Variants in PDE4B observed in about 807,000 individuals in gnomAD.
PDE4B encodes the protein 3',5'-cyclic-AMP phosphodiesterase 4B.
A neutral mutation model predicts 82.2 loss-of-function variants in PDE4B; 20 were observed. The ratio of observed to expected loss-of-function variants is 0.24; its 90% CI spans 0.17 to 0.35. PDE4B has a LOEUF of 0.35. Among genes scored for constraint, PDE4B ranks in the 10% least tolerant of loss-of-function variants. The pLI is 1.00. For missense variants in PDE4B, 655 were observed against 907.2 expected, an observed-to-expected ratio of 0.72 and a Z score of 3.57; for synonymous variants, 320 against 318.9, an observed-to-expected ratio of 1.00 and a Z score of -0.04.
chr1:66,055,316 C>T (rs1280923857), intron 3 of PDE4B, among the ~76,000 whole-genome samples: 1 of 152,182 alleles, frequency 6.6e-6, no homozygotes, highest in Non-Finnish European at 1.5e-5. Context: ...TTACTTTTGA[C>T]TGGCATTTAT....
intron 3 of PDE4B, among the ~76,000 whole-genome samples, chr1:65,919,234 T>C (rs1647197114): frequency 6.6e-6 from 1 of 152,232 alleles, no homozygotes; most frequent in Non-Finnish European, 1.5e-5. Context: ...CACTTCTCCC[T>C]AGCTTCTATT....
intron 3 of PDE4B, among the ~76,000 whole-genome samples, chr1:66,143,651 C>T (rs1646216572): frequency 6.6e-6 from 1 of 152,176 alleles, no homozygotes; most frequent in Non-Finnish European, 1.5e-5. Context: ...ATAAAATCAC[C>T]ATTTTCTCAG....
At position 66,240,871 on chromosome 1, in the gene PDE4B, T is replaced by C. The variant is rs372720887; in HGVS notation, c.282-6589T>C. Among the ~76,000 whole-genome samples the C allele has an allele frequency of 1.2e-4, 18 of 152,318 alleles. No individual in the cohort carries two copies. In the South Asian group the frequency reaches 3.5e-3, roughly 30 times the overall value. Reference sequence around the variant, plus strand: ...CAACTTCATTTCTGTGGGAAAAGACTGAGGTGTGGGGGGCAGGATACAGGG... The same window carrying C: ...CAACTTCATTTCTGTGGGAAAAGACCGAGGTGTGGGGGGCAGGATACAGGG... On this transcript the variant is annotated intron_variant, in intron 3 of 16. Coordinates refer to ENST00000341517, the MANE Select transcript of PDE4B (RefSeq NM_002600.4).
chr1:66,254,791 G>A (rs1219986476), intron 4 of PDE4B, among the ~76,000 whole-genome samples: 1 of 152,026 alleles, frequency 6.6e-6, no homozygotes, highest in Non-Finnish European at 1.5e-5. Flanking sequence ...AAAACCTCTG[G>A]GCTCTCTTCA....
intron 3 of PDE4B, among the ~76,000 whole-genome samples, chr1:66,206,347 G>T (rs1649552847): frequency 6.6e-6 from 1 of 152,058 alleles, no homozygotes; most frequent in Non-Finnish European, 1.5e-5. Flanking sequence ...GTCTAGGCTG[G>T]AGCAAAAAGA....
At chr1:65,844,101 T>C (rs892724665) in intron 1 of PDE4B, among the ~76,000 whole-genome samples, 1 of 152,208 alleles carries the variant, frequency 6.6e-6, no homozygotes, top group Non-Finnish European at 1.5e-5. Flanking sequence ...ATGTCTTCAA[T>C]ATATAATCAT....
chr1:66,025,989 T>C (rs1358835192), intron 3 of PDE4B, among the ~76,000 whole-genome samples: 1 of 152,244 alleles, frequency 6.6e-6, no homozygotes, highest in Non-Finnish European at 1.5e-5. Flanking sequence ...TACAAACCTT[T>C]AATAATATAA....
intron 1 of PDE4B, among the ~76,000 whole-genome samples, chr1:65,903,104 G>A (rs533189511): frequency 1.5e-4 from 23 of 152,238 alleles, no homozygotes; most frequent in African/African-American, 4.6e-4. Context: ...ATGGAAGTGG[G>A]TATAATAAGC....
intron 3 of PDE4B, among the ~76,000 whole-genome samples, chr1:66,119,378 CATTATTATGGAGTAGAACACAGA>C (rs1645662361): frequency 6.6e-6 from 1 of 152,080 alleles, no homozygotes; most frequent in African/African-American, 2.4e-5. Flanking sequence ...CTTTTAAGAC[CATTATTATGGAGTAGAACACAGA>C]GAAGCTGCCT....
At chr1:66,156,217 A>C (rs1168639553) in intron 3 of PDE4B, among the ~76,000 whole-genome samples, 2 of 152,154 alleles carry the variant, frequency 1.3e-5, no homozygotes, top group Non-Finnish European at 2.9e-5. Flanking sequence ...AAGGAACCTA[A>C]AAGGGTGAGT....
At chr1:65,853,252 T>C (rs1646351211) in intron 1 of PDE4B, among the ~76,000 whole-genome samples, 1 of 152,166 alleles carries the variant, frequency 6.6e-6, no homozygotes, top group Admixed American at 6.6e-5. Flanking sequence ...CCTTATAATG[T>C]ATCTATAACT....
chr1:66,246,512 A>C (rs759709953), intron 3 of PDE4B, among the ~76,000 whole-genome samples: 8 of 152,222 alleles, frequency 5.3e-5, no homozygotes, highest in Non-Finnish European at 1.0e-4. Context: ...GAGAAATACT[A>C]GGGAAGAGGA....
intron 1 of PDE4B, among the ~76,000 whole-genome samples, chr1:65,853,388 T>C (rs1284216739): frequency 1.3e-5 from 2 of 152,164 alleles, no homozygotes; most frequent in Non-Finnish European, 2.9e-5. Context: ...ATTATAGATA[T>C]ATTTCAGTTT....
In PDE4B at chr1:66,272,102, G is replaced by A. The variant is rs554260431; in HGVS notation, c.634+6015G>A. Reference sequence around the variant, plus strand: ...AGCGCTCCCACAGGAGGCTGTCCACGTGCCTGTGTCCTCCCAAACCCTAGC... The same window carrying A: ...AGCGCTCCCACAGGAGGCTGTCCACATGCCTGTGTCCTCCCAAACCCTAGC... On this transcript the variant is annotated intron_variant, in intron 7 of 16. Transcript: ENST00000341517. 7.9e-5 allele frequency among the ~76,000 whole-genome samples: 12 copies of A among 152,310 alleles called. No individual in the cohort carries two copies. The East Asian group carries it at 1.9e-3, about 24-fold the overall frequency.
intron 7 of PDE4B, among the ~76,000 whole-genome samples, chr1:66,324,360 C>T (rs1324123981): frequency 6.6e-6 from 1 of 152,114 alleles, no homozygotes; most frequent in Non-Finnish European, 1.5e-5. Flanking sequence ...TTGCCTCCCT[C>T]CCTCCCAGCC....
chr1:66,294,624 T>A (rs1388678266), intron 7 of PDE4B, among the ~76,000 whole-genome samples: 1 of 152,180 alleles, frequency 6.6e-6, no homozygotes, highest in African/African-American at 2.4e-5. Flanking sequence ...AAATAAGCAA[T>A]AAATCTTAAG....
intron 3 of PDE4B, among the ~76,000 whole-genome samples, chr1:66,077,320 G>T (rs1656484896): frequency 6.6e-6 from 1 of 152,062 alleles, no homozygotes; most frequent in African/African-American, 2.4e-5. Context: ...TAAATACTGT[G>T]TTCTGGCACT....
chr1:66,008,016 A>T (rs913061660), intron 3 of PDE4B, among the ~76,000 whole-genome samples: 1 of 151,998 alleles, frequency 6.6e-6, no homozygotes, highest in African/African-American at 2.4e-5. Flanking sequence ...GCAACTTCCA[A>T]CTCCCAGCTC....
intron 8 of PDE4B, among the ~76,000 whole-genome samples, chr1:66,334,608 G>A (rs759812566): frequency 2.6e-5 from 4 of 152,178 alleles, no homozygotes; most frequent in Non-Finnish European, 5.9e-5. Context: ...TAAAAAGCAT[G>A]CAGCCTCAGT....
Sources: gnomAD v4.1 joint callset for allele counts (sites outside exome capture counted in the v4.1 genomes callset) on GRCh38, gnomAD v4.1.1 for gene constraint, MANE v1.5 for transcripts, NCBI Gene and HGNC (gene_info 2026-07-23, HGNC 2026-07-21) for gene names.